The following MAP2 variants were observed in gnomAD, a reference collection of about 807,000 sequenced individuals.
The protein encoded by MAP2 is microtubule-associated protein 2.
MAP2 carries 14 observed loss-of-function variants against 137.6 expected under a neutral mutation model. That is an observed-to-expected ratio of 0.10 (90% CI 0.07 to 0.16). MAP2 has a LOEUF of 0.16. Among genes scored for constraint, MAP2 ranks in the 10% least tolerant of loss-of-function variants. The pLI is 1.00. For synonymous variants in MAP2, 786 were observed against 782.3 expected (o/e 1.00, Z -0.08); for missense variants, 2,088 against 2,191.5 (o/e 0.95, Z 0.94).
chr2:209,458,434 C>T (rs1337100170), intron 1 of MAP2, among the ~76,000 whole-genome samples: 2 of 152,054 alleles, frequency 1.3e-5, no homozygotes, highest in Non-Finnish European at 2.9e-5. Flanking sequence ...GAAATAATAT[C>T]GAGAGCAAAG....
At chr2:209,634,059 C>T (rs1251839356) in intron 4 of MAP2, among the ~76,000 whole-genome samples, 1 of 152,130 alleles carries the variant, frequency 6.6e-6, no homozygotes, top group Non-Finnish European at 1.5e-5. Context: ...CATCTTTGCT[C>T]CAGCCACACC....
chr2:209,428,997 A>G (rs1693423173), intron 1 of MAP2, among the ~76,000 whole-genome samples: 1 of 151,808 alleles, frequency 6.6e-6, no homozygotes, highest in South Asian at 2.1e-4. Flanking sequence ...TCTTTCGCCC[A>G]GGCCGGAGTA....
At chr2:209,509,796 G>A (rs1440474294) in intron 2 of MAP2, among the ~76,000 whole-genome samples, 1 of 151,732 alleles carries the variant, frequency 6.6e-6, no homozygotes, top group Non-Finnish European at 1.5e-5. Context: ...CTACCGATAG[G>A]GGTATATAAA....
chr2:209,600,976 G>A (rs2082814399), intron 3 of MAP2, among the ~76,000 whole-genome samples: 1 of 152,160 alleles, frequency 6.6e-6, no homozygotes, highest in Non-Finnish European at 1.5e-5. Context: ...GAGGCTAATA[G>A]CTTGGGTCAG....
chr2:209,442,392 G>C (rs1698019039), intron 1 of MAP2, among the ~76,000 whole-genome samples: 1 of 151,538 alleles, frequency 6.6e-6, no homozygotes, highest in East Asian at 1.9e-4. Flanking sequence ...TTGCCTTTTT[G>C]TATGGGTTGG....
chr2:209,695,768 C>G lies in MAP2; in HGVS notation c.3598C>G (p.Pro1200Ala), dbSNP rs1023609507. Residue 1200 changes from proline to alanine, a missense_variant, in exon 8 of 16, where the codon CCA (proline) becomes GCA (alanine). Physicochemically the swap from Pro to Ala is conservative, Grantham distance 27 (BLOSUM62 -1). Transcript: ENST00000682079. Reference sequence around the variant, plus strand: ...TGTCCAGATGGAATTTATTCAGGGGCCAAAAGAAGAAAGCAAAGAGACCCC... The same window carrying G: ...TGTCCAGATGGAATTTATTCAGGGGGCAAAAGAAGAAAGCAAAGAGACCCC... ...ADVQMEFIQG[P>A]KEESKETPDI... is the part of the protein sequence containing the mutation. 1.5e-5 allele frequency: 24 copies of G among 1,613,716 alleles called. No individual in the cohort carries two copies. The highest frequency in any genetic ancestry group is 2.0e-5 in the Non-Finnish European group (24 of 1,179,940).
At chr2:209,614,238 A>C (rs1294694205) in intron 3 of MAP2, among the ~76,000 whole-genome samples, 1 of 152,074 alleles carries the variant, frequency 6.6e-6, no homozygotes, top group Non-Finnish European at 1.5e-5. Flanking sequence ...ATAATAATAG[A>C]ACATCTTTCT....
chr2:209,512,198 C>G (rs1020077833), intron 2 of MAP2, among the ~76,000 whole-genome samples: 2 of 151,962 alleles, frequency 1.3e-5, no homozygotes, highest in African/African-American at 4.8e-5. Flanking sequence ...CACTTTTAAG[C>G]CCTCTATCAA....
intron 4 of MAP2, among the ~76,000 whole-genome samples, chr2:209,644,439 C>A (rs1048730961): frequency 1.3e-5 from 2 of 151,996 alleles, no homozygotes; most frequent in African/African-American, 4.8e-5. Context: ...ACCATGACAG[C>A]CCTGAAAATT....
Position 209,434,839 on chromosome 2 carries a change from A to ATATATATGTTATATATATATGT in MAP2, c.-222+10570_-222+10571insGTTATATATATATGTTATATAT, listed in dbSNP as rs1553536816. ...CCTCTCTCTCTCTCTCTCTCTATAT[A>ATATATATGTTATATATATATGT]TATATATATGTTATATATATATGTT... On this transcript the variant is annotated intron_variant, in intron 1 of 15. Coordinates refer to ENST00000682079, the MANE Select transcript of MAP2 (RefSeq NM_001375505.1). Among the ~76,000 whole-genome samples, 83 of 115,002 alleles carry ATATATATGTTATATATATATGT rather than the reference A, an allele frequency of 7.2e-4. 4 individuals are homozygous for ATATATATGTTATATATATATGT. Among genetic ancestry groups the ATATATATGTTATATATATATGT allele is most frequent in the South Asian group, 1.6e-3 (6 of 3,714 alleles). 75.4% of individuals were successfully genotyped at this position (115,002 alleles called of 152,430 possible).
intron 2 of MAP2, among the ~76,000 whole-genome samples, chr2:209,561,520 A>T (rs935584675): frequency 6.6e-6 from 1 of 152,326 alleles, no homozygotes; most frequent in East Asian, 1.9e-4. Context: ...CGACCTGCTC[A>T]CCTATAAAAT....
At chr2:209,437,319 T>G (rs1237700146) in intron 1 of MAP2, among the ~76,000 whole-genome samples, 1 of 151,686 alleles carries the variant, frequency 6.6e-6, no homozygotes, top group Non-Finnish European at 1.5e-5. Context: ...TTTTGTCTTA[T>G]AAGTGCATGG....
chr2:209,642,596 T>C (rs1203144500), intron 4 of MAP2, among the ~76,000 whole-genome samples: 1 of 152,144 alleles, frequency 6.6e-6, no homozygotes, highest in Non-Finnish European at 1.5e-5. Flanking sequence ...AATTACGTGT[T>C]ATGCACCCAC....
intron 10 of MAP2, among the ~76,000 whole-genome samples, chr2:209,697,902 G>T (rs910997158): frequency 6.6e-6 from 1 of 152,106 alleles, no homozygotes; most frequent in Non-Finnish European, 1.5e-5. Context: ...AGGCTGGAGT[G>T]CAGTGGCACG....
chr2:209,524,556 T>A (rs960508227), intron 2 of MAP2, among the ~76,000 whole-genome samples: 1 of 152,124 alleles, frequency 6.6e-6, no homozygotes, highest in Non-Finnish European at 1.5e-5. Flanking sequence ...TGCAATACAC[T>A]ATACAATATA....
At position 209,695,399 on chromosome 2, in the gene MAP2, G is replaced by C. The variant is rs768096009; in HGVS notation, c.3229G>C (p.Asp1077His). 7.4e-6 allele frequency: 12 copies of C among 1,613,130 alleles called. No individual in the cohort carries two copies. Among genetic ancestry groups the C allele is most frequent in the Non-Finnish European group, 1.0e-5 (12 of 1,179,670 alleles). Residue 1077 changes from aspartate to histidine, a missense_variant, in exon 8 of 16, where the codon GAC becomes CAC. By Grantham distance (81) the Asp-to-His change is moderately conservative (BLOSUM62 -1). This residue lies in a region of MAP2 where 500 missense variants were observed against 482.9 expected (regional missense o/e 1.04). Coordinates refer to ENST00000682079, the MANE Select transcript of MAP2 (RefSeq NM_001375505.1). The stretch of plus-strand genomic sequence containing the variant: ...AGAGCTAAAACTTGAGGCTACACAG[G>C]ACATGACCCCCTCATCCAAAGCACC... ...ATELKLEATQ[D>H]MTPSSKAPQE...
chr2:209,704,716 A>G, intron 11 of MAP2: 2 of 1,189,858 alleles, frequency 1.7e-6, no homozygotes, highest in Non-Finnish European at 2.3e-6. Flanking sequence ...GAAAGCAAAT[A>G]CTTTACTCTG....
intron 5 of MAP2, among the ~76,000 whole-genome samples, chr2:209,663,389 G>A (rs369630556): frequency 4.6e-5 from 7 of 152,238 alleles, no homozygotes; most frequent in East Asian, 1.9e-4. Context: ...ACACTAAACC[G>A]TGTCCTGCCG....
intron 2 of MAP2, among the ~76,000 whole-genome samples, chr2:209,533,201 A>G (rs1221348296): frequency 6.6e-6 from 1 of 151,888 alleles, no homozygotes; most frequent in Non-Finnish European, 1.5e-5. Flanking sequence ...CTGGAGTGCA[A>G]TGGCATGGTC....
Sources: allele counts gnomAD v4.1 joint callset (sites outside exome capture counted in the v4.1 genomes callset), GRCh38; gene constraint gnomAD v4.1.1; regional missense constraint gnomAD v4.1.1; transcripts MANE v1.5; gene names NCBI Gene and HGNC (gene_info 2026-07-23, HGNC 2026-07-21).